ADGRL3: variants seen among roughly 807,000 people sequenced by gnomAD.
The protein encoded by ADGRL3 is calcium-independent alpha-latrotoxin receptor 3.
Under a neutral mutation model 153.5 loss-of-function variants are expected in ADGRL3, and 62 were observed. The ratio of observed to expected loss-of-function variants is 0.40; its 90% CI spans 0.33 to 0.50. The LOEUF (loss-of-function observed/expected upper bound fraction) is 0.50. Ranked by LOEUF, ADGRL3 falls within the 20% of genes least tolerant of loss-of-function variation. ADGRL3 has a pLI of 0.47. For synonymous variants in ADGRL3, 710 were observed against 672.5 expected (o/e 1.06, Z -0.86); for missense variants, 1,641 against 1,859.4 (o/e 0.88, Z 2.16).
At chr4:61,493,431 A>G (rs9312077) in intron 2 of ADGRL3, among the ~76,000 whole-genome samples, 123,005 of 152,162 alleles carry the variant, frequency 0.81, 50,303 homozygotes, top group East Asian at 0.95. Context: ...TAACTAATAG[A>G]AATGTACTTC....
chr4:61,372,353 T>C (rs1231464407), intron 1 of ADGRL3, among the ~76,000 whole-genome samples: 1 of 152,086 alleles, frequency 6.6e-6, no homozygotes, highest in Non-Finnish European at 1.5e-5. Flanking sequence ...TTCCCCATCT[T>C]TGTGGTTTTA....
At position 61,903,650 on chromosome 4, in the gene ADGRL3, CAAAAAAA is replaced by C. The variant is rs55879235; in HGVS notation, c.1888-5883_1888-5877del. Among the ~76,000 whole-genome samples the C allele has an allele frequency of 8.3e-3, 600 of 72,242 alleles. 1 individual carries two copies. The highest frequency in any genetic ancestry group is 0.016 in the South Asian group (23 of 1,462). 47.4% of individuals were successfully genotyped at this position (72,242 alleles called of 152,430 possible). On this transcript the variant is annotated intron_variant, in intron 11 of 26. Transcript: ENST00000683033. ...TGCTGCACTCCAGCTTGGGAAACAG[CAAAAAAA>C]AAAAAAAAAAAAAAAAAAAAAAAAA...
intron 2 of ADGRL3, among the ~76,000 whole-genome samples, chr4:61,402,518 T>C (rs973968943): frequency 2.6e-5 from 4 of 152,124 alleles, no homozygotes; most frequent in African/African-American, 4.8e-5. Context: ...AAAATGTTAA[T>C]AAAGTGGTTG....
intron 25 of ADGRL3, among the ~76,000 whole-genome samples, chr4:62,052,979 T>C (rs1427471737): frequency 6.6e-6 from 1 of 151,518 alleles, no homozygotes; most frequent in Non-Finnish European, 1.5e-5. Context: ...ATGATATGTT[T>C]TATAATTCAA....
intron 8 of ADGRL3, among the ~76,000 whole-genome samples, chr4:61,799,609 A>G (rs2097464072): frequency 6.6e-6 from 1 of 152,068 alleles, no homozygotes; most frequent in Non-Finnish European, 1.5e-5. Context: ...AACCCCCAAG[A>G]GGCTAACCAA....
At chr4:61,799,136 C>T (rs971341140) in intron 8 of ADGRL3, among the ~76,000 whole-genome samples, 2 of 149,052 alleles carry the variant, frequency 1.3e-5, no homozygotes, top group Admixed American at 6.7e-5. Flanking sequence ...AAAAGGTGGT[C>T]CAAGAAGAAT....
intron 8 of ADGRL3, among the ~76,000 whole-genome samples, chr4:61,742,601 G>C (rs1216203001): frequency 6.6e-6 from 1 of 151,992 alleles, no homozygotes; most frequent in African/African-American, 2.4e-5. Context: ...TTTTTAAGTA[G>C]TGTTCAAATA....
At chr4:61,625,750 T>C (rs1328817676) in intron 5 of ADGRL3, among the ~76,000 whole-genome samples, 1 of 152,024 alleles carries the variant, frequency 6.6e-6, no homozygotes, top group Admixed American at 6.6e-5. Flanking sequence ...CAGCATAATA[T>C]GGTAAGGAAG....
chr4:61,908,644 A>G (rs972610870), intron 11 of ADGRL3, among the ~76,000 whole-genome samples: 3 of 151,642 alleles, frequency 2.0e-5, no homozygotes, highest in Non-Finnish European at 4.4e-5. Flanking sequence ...AAGTGAGAAT[A>G]TAGCAAGGTG....
intron 17 of ADGRL3, among the ~76,000 whole-genome samples, chr4:61,973,541 G>A (rs1306681641): frequency 2.0e-5 from 3 of 152,182 alleles, no homozygotes; most frequent in Admixed American, 1.3e-4. Context: ...ATTATTGTTT[G>A]TATAAAAATT....
At chr4:61,325,608 G>A (rs1364548059) in intron 1 of ADGRL3, among the ~76,000 whole-genome samples, 1 of 152,084 alleles carries the variant, frequency 6.6e-6, no homozygotes, top group Non-Finnish European at 1.5e-5. Context: ...GAGGGACAGG[G>A]TAACAGAAGA....
chr4:61,200,844 A>T lies in ADGRL3; in HGVS notation c.-1161A>T, dbSNP rs566162660. 6.6e-6 allele frequency among the ~76,000 whole-genome samples: 1 copy of T among 151,512 alleles called. No individual in the cohort carries two copies. Among genetic ancestry groups the T allele is most frequent in the South Asian group, 2.1e-4 (1 of 4,796 alleles). On this transcript the variant is annotated 5_prime_UTR_variant, in exon 1 of 27. Transcript: ENST00000683033. ...CGCGATGAAGCTCCCACATGCCCGC[A>T]GCTGCCCGGCCCGGCCGGCGAGCTA... is the stretch of plus-strand genomic sequence containing the variant.
intron 8 of ADGRL3, among the ~76,000 whole-genome samples, chr4:61,785,609 T>C (rs1192088195): frequency 6.6e-6 from 1 of 152,182 alleles, no homozygotes; most frequent in Non-Finnish European, 1.5e-5. Flanking sequence ...TCAGGAGCTC[T>C]TCTTCCACAG....
rs764169339 is a variant in ADGRL3, at chr4:61,556,132, A to T, written c.260-31095A>T. Among the ~76,000 whole-genome samples the T allele has an allele frequency of 1.4e-4, 22 of 152,172 alleles. 1 individual carries two copies. The highest frequency in any genetic ancestry group is 5.2e-4 in the Admixed American group (8 of 15,282). On this transcript the variant is annotated intron_variant, in intron 4 of 26. Coordinates refer to ENST00000683033, the MANE Select transcript of ADGRL3 (RefSeq NM_001387552.1). ...ACACGCCTCTGACAGGAGCAGAGAG[A>T]GAATAGAAGTATGAAAATATTGTTA...
At chr4:61,597,687 A>G (rs2098994835) in intron 5 of ADGRL3, among the ~76,000 whole-genome samples, 3 of 150,656 alleles carry the variant, frequency 2.0e-5, no homozygotes, top group African/African-American at 2.4e-5. Flanking sequence ...TTACAACTAT[A>G]CACGTGAAGT....
At chr4:61,252,116 C>T (rs796781149) in intron 1 of ADGRL3, among the ~76,000 whole-genome samples, 8 of 152,218 alleles carry the variant, frequency 5.3e-5, no homozygotes, top group African/African-American at 1.7e-4. Flanking sequence ...CTCCTGACCT[C>T]AGGTGATCCA....
intron 4 of ADGRL3, among the ~76,000 whole-genome samples, chr4:61,547,506 G>A (rs751539731): frequency 1.3e-5 from 2 of 152,026 alleles, no homozygotes; most frequent in Non-Finnish European, 2.9e-5. Flanking sequence ...GTGAGAGTAT[G>A]TGGTATTTGG....
intron 8 of ADGRL3, among the ~76,000 whole-genome samples, chr4:61,777,071 C>A (rs188251087): frequency 7.6e-4 from 115 of 152,288 alleles, no homozygotes; most frequent in African/African-American, 2.7e-3. Flanking sequence ...TGTGCTGGCT[C>A]ACGCCTGTAA....
At chr4:61,835,706 A>C (rs920530062) in intron 9 of ADGRL3, among the ~76,000 whole-genome samples, 2 of 152,116 alleles carry the variant, frequency 1.3e-5, no homozygotes, top group Non-Finnish European at 2.9e-5. Flanking sequence ...TCAAGACAAG[A>C]AACCAGAAGC....
Sources: gnomAD v4.1 joint callset for allele counts (sites outside exome capture counted in the v4.1 genomes callset) on GRCh38, gnomAD v4.1.1 for gene constraint, MANE v1.5 for transcripts, NCBI Gene and HGNC (gene_info 2026-07-23, HGNC 2026-07-21) for gene names.